TXNL4A: variants seen among roughly 807,000 people sequenced by gnomAD.
TXNL4A encodes the protein thioredoxin-like protein 4A.
In TXNL4A, 17 loss-of-function variants were observed where a neutral mutation model predicts 14.6. The observed-to-expected ratio is 1.16, with a 90% CI of 0.80 to 1.74. TXNL4A has a LOEUF of 1.74. Among genes scored for constraint, TXNL4A ranks in the 40% most tolerant of loss-of-function variants. TXNL4A has a pLI of 0.00. For synonymous variants in TXNL4A, 83 were observed against 70.6 expected, an observed-to-expected ratio of 1.18 and a Z score of -0.88; for missense variants, 74 against 195.2, an observed-to-expected ratio of 0.38 and a Z score of 3.70.
At position 79,972,364 on chromosome 18, in the gene TXNL4A, C is replaced by G. The variant is rs2051311355; in HGVS notation, c.*1321G>C. 1 of 152,436 alleles carries G rather than the reference C, an allele frequency of 6.6e-6. No individual in the cohort carries two copies. The highest frequency in any genetic ancestry group is 6.5e-5 in the Admixed American group (1 of 15,288). 9.4% of individuals were successfully genotyped at this position (152,436 alleles called of 1,614,324 possible). A position where few individuals can be genotyped will look rare whatever the true frequency, so the allele number is the denominator to read the frequency against. ...TCCCTGCCCTTCCTCACTTTCACTT[C>G]AGAGCTCGAGTGTGCTGAGACGGGA... On this transcript the variant is annotated 3_prime_UTR_variant, in exon 3 of 3. Transcript: ENST00000269601.
Position 79,973,620 on chromosome 18 carries a change from A to G in TXNL4A, c.*65T>C. The G allele has an allele frequency of 6.5e-7, 1 of 1,537,144 alleles. No individual in the cohort carries two copies. The highest frequency in any genetic ancestry group is 8.7e-7 in the Non-Finnish European group (1 of 1,144,594). The stretch of plus-strand genomic sequence containing the variant: ...TTCCTGTATTTTCCAAAGGCTTTAA[A>G]TAGCTTAAAACGTTTCCATACAAAA... On this transcript the variant is annotated 3_prime_UTR_variant, in exon 3 of 3. Coordinates refer to ENST00000269601, the MANE Select transcript of TXNL4A (RefSeq NM_006701.5).
At chr18:80,005,391 A>ATGC (rs1432066422) in intron 1 of TXNL4A, among the ~76,000 whole-genome samples, 1 of 152,190 alleles carries the variant, frequency 6.6e-6, no homozygotes, top group Admixed American at 6.5e-5. Flanking sequence ...TCAATTGCTT[A>ATGC]TGCTGTCTTT....
At chr18:79,976,521 C>A (rs1295621794) in intron 2 of TXNL4A, among the ~76,000 whole-genome samples, 7 of 152,168 alleles carry the variant, frequency 4.6e-5, no homozygotes, top group African/African-American at 1.7e-4. Flanking sequence ...CTCAAACACT[C>A]CAGATAAGCA....
At chr18:80,033,700 C>A (rs1251844559) in intron 1 of TXNL4A, among the ~76,000 whole-genome samples, 1 of 152,248 alleles carries the variant, frequency 6.6e-6, no homozygotes, top group Non-Finnish European at 1.5e-5. Flanking sequence ...CTACGCAGCG[C>A]CAGGCAACCA....
chr18:79,996,579 A>C (rs2051664183), intron 1 of TXNL4A, among the ~76,000 whole-genome samples: 1 of 152,180 alleles, frequency 6.6e-6, no homozygotes, highest in Non-Finnish European at 1.5e-5. Flanking sequence ...CATAATGCTC[A>C]TATCTCTTTT....
chr18:79,988,214 C>CAG, intron 1 of TXNL4A, 26 bp downstream of exon 1: 1 of 1,491,120 alleles, frequency 6.7e-7, no homozygotes, highest in Non-Finnish European at 9.1e-7. Flanking sequence ...GCACAGCCCG[C>CAG]AGAGCGGGAG....
At chr18:80,002,909 C>A (rs1568375277) in intron 1 of TXNL4A, among the ~76,000 whole-genome samples, 1 of 152,214 alleles carries the variant, frequency 6.6e-6, no homozygotes, top group Admixed American at 6.5e-5. Context: ...CCACAGGCAT[C>A]GGTAGACCCT....
chr18:80,011,440 A>T lies in TXNL4A; in HGVS notation c.-61+22411T>A, dbSNP rs1455518561. ...GGACATTGAGAGTTTATTTTGCATT[A>T]CCACTGAGGCTACAGAATTTTGGAT... On this transcript the variant is annotated intron_variant, in intron 1 of 2. Transcript: ENST00000585474. The surrounding 1 kb of genome is among the most constrained non-coding windows in gnomAD (Gnocchi z 4.1). 6.6e-6 allele frequency among the ~76,000 whole-genome samples: 1 copy of T among 152,180 alleles called. No individual in the cohort carries two copies. Among genetic ancestry groups the T allele is most frequent in the African/African-American group, 2.4e-5 (1 of 41,444 alleles).
At chr18:79,991,975 T>G (rs1430982645), upstream of TXNL4A, among the ~76,000 whole-genome samples, 1 of 152,196 alleles carries the variant, frequency 6.6e-6, no homozygotes, top group Non-Finnish European at 1.5e-5. Context: ...ATTGGTTCAG[T>G]CTGGAAAGGC....
intron 1 of TXNL4A, among the ~76,000 whole-genome samples, chr18:79,998,321 A>G (rs1050972881): frequency 2.1e-4 from 32 of 152,158 alleles, no homozygotes; most frequent in Middle Eastern, 3.4e-3. Flanking sequence ...GAAACTGGAT[A>G]CCAAATTTCT....
chr18:79,977,304 C>T (rs1247238529), intron 2 of TXNL4A: 1 of 471,682 alleles, frequency 2.1e-6, no homozygotes, highest in Non-Finnish European at 3.7e-6. Context: ...GATTATAGTT[C>T]CAGGTATCTA....
In TXNL4A at chr18:79,988,517, G is replaced by T; in HGVS notation, c.-125C>A. ...GGGCCCACGGACGAAATCCGGTCCCGCCCGCACACGCAAACTCCGCTGGGA... is the reference window on the plus strand; with the variant it reads ...GGGCCCACGGACGAAATCCGGTCCCTCCCGCACACGCAAACTCCGCTGGGA... On this transcript the variant is annotated 5_prime_UTR_variant, in exon 1 of 3. Coordinates refer to ENST00000269601, the MANE Select transcript of TXNL4A (RefSeq NM_006701.5). 2.8e-6 allele frequency: 3 copies of T among 1,082,622 alleles called. No homozygotes were observed. Among genetic ancestry groups the T allele is most frequent in the South Asian group, 3.4e-5 (1 of 29,434 alleles). The allele number at this position is 1,082,622 out of a possible 1,614,324, so 67.1% of individuals were successfully genotyped here.
intron 2 of TXNL4A, among the ~76,000 whole-genome samples, chr18:79,974,834 G>C (rs938062995): frequency 6.6e-6 from 1 of 152,100 alleles, no homozygotes; most frequent in Non-Finnish European, 1.5e-5. Flanking sequence ...CAAACCCCTA[G>C]CTCCAGTCCC....
At chr18:79,976,687 T>C (rs903013476) in intron 2 of TXNL4A, 5 of 430,762 alleles carry the variant, frequency 1.2e-5, no homozygotes, top group Non-Finnish European at 2.3e-5. Flanking sequence ...AACTAACGCA[T>C]ACCCTATACA....
chr18:79,990,427 C>G (rs1051261233), upstream of TXNL4A, among the ~76,000 whole-genome samples: 1 of 152,198 alleles, frequency 6.6e-6, no homozygotes, highest in African/African-American at 2.4e-5. Flanking sequence ...TAAGTTATCT[C>G]AACAAACTTC....
chr18:80,033,308 CACACAG>C (rs936521128), intron 1 of TXNL4A, among the ~76,000 whole-genome samples: 11 of 152,310 alleles, frequency 7.2e-5, no homozygotes, highest in Non-Finnish European at 1.5e-4. Context: ...CACACACACA[CACACAG>C]ACGTGTCTCA....
chr18:80,010,524 A>C (rs2051762910), intron 1 of TXNL4A, among the ~76,000 whole-genome samples: 1 of 152,348 alleles, frequency 6.6e-6, no homozygotes, highest in Non-Finnish European at 1.5e-5. Flanking sequence ...CGTACAGTCC[A>C]AACAAAGGAA....
chr18:80,015,490 T>G (rs920753880), intron 1 of TXNL4A, among the ~76,000 whole-genome samples: 1 of 151,774 alleles, frequency 6.6e-6, no homozygotes, highest in Non-Finnish European at 1.5e-5. Context: ...TAGGTATATC[T>G]CCTAATGCTA....
intron 1 of TXNL4A, among the ~76,000 whole-genome samples, chr18:80,019,620 G>A (rs1409845448): frequency 3.9e-5 from 6 of 152,200 alleles, no homozygotes; most frequent in Admixed American, 6.5e-5. Flanking sequence ...CCACCTAGGA[G>A]GTCTGGCTAG....
Sources: allele counts gnomAD v4.1 joint callset (sites outside exome capture counted in the v4.1 genomes callset), GRCh38; gene constraint gnomAD v4.1.1; non-coding constraint Gnocchi (gnomAD v3.1); transcripts MANE v1.5; gene names NCBI Gene and HGNC (gene_info 2026-07-23, HGNC 2026-07-21).